The following AUTS2 variants were observed in gnomAD, a reference collection of about 807,000 sequenced individuals.
AUTS2 encodes the protein autism susceptibility gene 2 protein.
A neutral mutation model predicts 112.4 loss-of-function variants in AUTS2; 17 were observed. The ratio of observed to expected loss-of-function variants is 0.15; its 90% confidence interval spans 0.10 to 0.23. The LOEUF is 0.23. Among genes scored for constraint, AUTS2 ranks in the 10% least tolerant of loss-of-function variants. The pLI is 1.00. For missense variants in AUTS2, 1,510 were observed against 1,701.6 expected (o/e 0.89, Z 1.98); for synonymous variants, 751 against 702.7 (o/e 1.07, Z -1.09).
At position 69,614,214 on chromosome 7, in the gene AUTS2, A is replaced by G. The variant is rs558991679; in HGVS notation, c.309+14252A>G. 3.9e-5 allele frequency among the ~76,000 whole-genome samples: 6 copies of G among 152,282 alleles called. No individual in the cohort carries two copies. In the South Asian group the frequency reaches 1.2e-3, roughly 32 times the overall value. ...GGAATGGGGGTTAGTATAAAGATAC[A>G]CACACAGAATACCCTCACTGGGCCT... On this transcript the variant is annotated intron_variant, in intron 1 of 18. Transcript: ENST00000342771.
rs1343600107 is a variant in AUTS2, at chr7:69,631,320, T to G, written c.309+31358T>G. ...GTTTCTGTTGCCACTTAAGATGTTT[T>G]TGACCTTTTGAGAGGCAACAGCGGT... On this transcript the variant is annotated intron_variant, in intron 1 of 18. Coordinates refer to ENST00000342771, the MANE Select transcript of AUTS2 (RefSeq NM_015570.4). Among the ~76,000 whole-genome samples, 4 of 152,240 alleles carry G rather than the reference T, an allele frequency of 2.6e-5. No homozygotes were observed. In the East Asian group the frequency reaches 5.8e-4, roughly 22 times the overall value.
At chr7:70,273,950 G>C (rs548499769) in intron 4 of AUTS2, among the ~76,000 whole-genome samples, 5 of 152,074 alleles carry the variant, frequency 3.3e-5, no homozygotes, top group Non-Finnish European at 7.3e-5. Context: ...AAAATCTTAG[G>C]GGTATTTTAG....
rs1403847536 is a variant in AUTS2 at position 70,496,628 on chromosome 7, C to T, written c.690+60847C>T. Reference sequence around the variant, plus strand: ...ACCCCACTCACACCACGTACACAGGCACACACACACACCCCACACATGCAC... The same window carrying T: ...ACCCCACTCACACCACGTACACAGGTACACACACACACCCCACACATGCAC... On this transcript the variant is annotated intron_variant, in intron 5 of 18. Coordinates refer to ENST00000342771, the MANE Select transcript of AUTS2 (RefSeq NM_015570.4). 2.4e-4 allele frequency among the ~76,000 whole-genome samples: 34 copies of T among 141,958 alleles called. 3 individuals are homozygous for T. The highest frequency in any genetic ancestry group is 8.6e-4 in the African/African-American group (33 of 38,186). The allele number at this position is 141,958 out of a possible 152,430, so 93.1% of individuals were successfully genotyped here.
rs1793819326 is a variant in AUTS2 at position 70,390,836 on chromosome 7, CT to C, written c.661-44913del. Among the ~76,000 whole-genome samples the C allele has an allele frequency of 3.3e-5, 5 of 152,252 alleles. No homozygotes were observed. In the South Asian group the frequency reaches 1.0e-3, roughly 32 times the overall value. ...CCGTGTTAGAGCAGTGGTCCTCAAA[CT>C]TTCCTGTGATTCAGAATTAACCTGG... On this transcript the variant is annotated intron_variant, in intron 4 of 18. Transcript: ENST00000342771.
At chr7:70,597,529 T>G (rs1803265302) in intron 5 of AUTS2, among the ~76,000 whole-genome samples, 1 of 152,062 alleles carries the variant, frequency 6.6e-6, no homozygotes, top group African/African-American at 2.4e-5. Flanking sequence ...CAAAGCAGAG[T>G]GAGTATGTAG....
At chr7:69,771,847 C>T (rs368263269) in intron 1 of AUTS2, among the ~76,000 whole-genome samples, 16 of 151,182 alleles carry the variant, frequency 1.1e-4, no homozygotes, top group African/African-American at 2.7e-4. Context: ...TGCAATGGCG[C>T]GATCTCGGCT....
At chr7:69,634,827 A>T (rs1056568333) in intron 1 of AUTS2, among the ~76,000 whole-genome samples, 5 of 152,328 alleles carry the variant, frequency 3.3e-5, no homozygotes, top group Non-Finnish European at 7.4e-5. Context: ...AGCTGCTGCC[A>T]TTCAAACAGG....
chr7:70,021,201 C>T (rs573075721), intron 2 of AUTS2, among the ~76,000 whole-genome samples: 3 of 151,404 alleles, frequency 2.0e-5, no homozygotes, highest in South Asian at 2.1e-4. Context: ...AGGCTGGTCT[C>T]GAACTCCTGA....
intron 1 of AUTS2, among the ~76,000 whole-genome samples, chr7:69,615,126 G>A (rs1300014141): frequency 1.3e-5 from 2 of 152,128 alleles, no homozygotes; most frequent in African/African-American, 4.8e-5. Context: ...GATAGTAACT[G>A]TGTCTTTTTA....
intron 6 of AUTS2, among the ~76,000 whole-genome samples, chr7:70,730,001 G>C (rs541524025): frequency 6.6e-6 from 1 of 152,242 alleles, no homozygotes; most frequent in Non-Finnish European, 1.5e-5. Context: ...TCTTGCCTCA[G>C]CCTACTGCGT....
At chr7:69,911,382 C>T (rs1021476448) in intron 2 of AUTS2, among the ~76,000 whole-genome samples, 8 of 152,160 alleles carry the variant, frequency 5.3e-5, no homozygotes, top group South Asian at 2.1e-4. Flanking sequence ...CCTAAAGGGC[C>T]GCAGCTCTTC....
intron 1 of AUTS2, among the ~76,000 whole-genome samples, chr7:69,875,055 A>G (rs965716852): frequency 2.0e-5 from 3 of 147,556 alleles, no homozygotes; most frequent in Non-Finnish European, 4.5e-5. Context: ...TTCCATTTTC[A>G]TCTTTCACTG....
intron 1 of AUTS2, among the ~76,000 whole-genome samples, chr7:69,767,358 G>A (rs1462856456): frequency 6.6e-6 from 1 of 151,956 alleles, no homozygotes; most frequent in Non-Finnish European, 1.5e-5. Context: ...TCTATTTTTT[G>A]TAGGGACAAG....
At chr7:70,282,684 C>T (rs1788276615) in intron 4 of AUTS2, among the ~76,000 whole-genome samples, 1 of 152,142 alleles carries the variant, frequency 6.6e-6, no homozygotes, top group African/African-American at 2.4e-5. Flanking sequence ...ACCACAGTCC[C>T]TGTGAAGAAG....
chr7:69,710,875 C>A (rs1798290823), intron 1 of AUTS2, among the ~76,000 whole-genome samples: 1 of 152,090 alleles, frequency 6.6e-6, no homozygotes, highest in Non-Finnish European at 1.5e-5. Flanking sequence ...AGCTGTGTGC[C>A]CACCATCTCA....
intron 5 of AUTS2, among the ~76,000 whole-genome samples, chr7:70,585,536 A>T (rs892014244): frequency 5.3e-5 from 8 of 152,206 alleles, no homozygotes. Context: ...AGAGGCTTCT[A>T]GTCGGTCATA....
intron 4 of AUTS2, among the ~76,000 whole-genome samples, chr7:70,221,110 G>A (rs539705759): frequency 6.6e-6 from 1 of 152,146 alleles, no homozygotes; most frequent in Non-Finnish European, 1.5e-5. Flanking sequence ...GTCTCACTAT[G>A]TTGCCCAGAG....
intron 2 of AUTS2, among the ~76,000 whole-genome samples, chr7:69,963,022 G>A (rs1167197791): frequency 6.6e-6 from 1 of 152,120 alleles, no homozygotes; most frequent in Non-Finnish European, 1.5e-5. Flanking sequence ...CAGCTGCAGT[G>A]GAGGGTTCTT....
chr7:69,838,876 G>C (rs1431641343), intron 1 of AUTS2, among the ~76,000 whole-genome samples: 1 of 152,150 alleles, frequency 6.6e-6, no homozygotes, highest in Non-Finnish European at 1.5e-5. Flanking sequence ...CCTACAACAA[G>C]ACTCACAGTA....
Sources: allele counts gnomAD v4.1 joint callset (sites outside exome capture counted in the v4.1 genomes callset), GRCh38; gene constraint gnomAD v4.1.1; transcripts MANE v1.5; gene names NCBI Gene and HGNC (gene_info 2026-07-23, HGNC 2026-07-21).